TENT4B: variants seen among roughly 807,000 people sequenced by gnomAD.
The protein encoded by TENT4B is PAP associated domain containing 5.
Under a neutral mutation model 75.0 loss-of-function variants are expected in TENT4B, and 10 were observed. The ratio of observed to expected loss-of-function variants is 0.13; its 90% confidence interval spans 0.08 to 0.23. The LOEUF (loss-of-function observed/expected upper bound fraction) is 0.23, where lower values mean the gene tolerates loss of function less well. Among genes scored for constraint, TENT4B ranks in the 10% least tolerant of loss-of-function variants. The pLI is 1.00. For missense variants in TENT4B, 579 were observed against 893.8 expected (o/e 0.65, Z 4.49); for synonymous variants, 350 against 357.7 (o/e 0.98, Z 0.24).
At chr16:50,195,611 A>G (rs905471829) in intron 1 of TENT4B, among the ~76,000 whole-genome samples, 1 of 152,232 alleles carries the variant, frequency 6.6e-6, no homozygotes, top group East Asian at 1.9e-4. Flanking sequence ...TGTCTGGCTT[A>G]GTGTACAGCA....
In TENT4B at chr16:50,233,170, G is replaced by A. The variant is rs1230074508; in HGVS notation, c.*3842G>A. Reference sequence around the variant, plus strand: ...GATAGTAATTTTCATCAGGGTCATAGTTCATCTAGTAAAATATTTAGAGAA... The same window carrying A: ...GATAGTAATTTTCATCAGGGTCATAATTCATCTAGTAAAATATTTAGAGAA... On this transcript the variant is annotated 3_prime_UTR_variant, in exon 12 of 12. Coordinates refer to ENST00000561678, the MANE Select transcript of TENT4B (RefSeq NM_001365324.3). The A allele has an allele frequency of 3.0e-6, 3 of 984,518 alleles. No homozygotes were observed. In the Admixed American group the frequency reaches 1.8e-4, roughly 61 times the overall value. The allele number at this position is 984,518 out of a possible 1,614,324, so 61.0% of individuals were successfully genotyped here.
intron 1 of TENT4B, among the ~76,000 whole-genome samples, chr16:50,154,667 G>A (rs7184465): frequency 2.3e-3 from 357 of 151,994 alleles, no homozygotes; most frequent in African/African-American, 8.1e-3. Context: ...GCTTAGCACG[G>A]GCCTATCATT....
At chr16:50,166,572 G>A (rs1449851307) in intron 1 of TENT4B, among the ~76,000 whole-genome samples, 2 of 151,970 alleles carry the variant, frequency 1.3e-5, no homozygotes. Context: ...TTTTAAAATT[G>A]GGTTATTTAT....
intron 1 of TENT4B, among the ~76,000 whole-genome samples, chr16:50,185,314 A>G (rs987845928): frequency 1.3e-5 from 2 of 152,210 alleles, no homozygotes; most frequent in African/African-American, 4.8e-5. Flanking sequence ...ATTAATGCTT[A>G]CTTAACTTGC....
chr16:50,219,089 TGGG>T (rs1288698836), intron 5 of TENT4B, among the ~76,000 whole-genome samples: 2 of 152,142 alleles, frequency 1.3e-5, no homozygotes, highest in African/African-American at 4.8e-5. Flanking sequence ...CGCACTATAT[TGGG>T]GGTGTGTGTG....
chr16:50,229,197 G>A lies in TENT4B; in HGVS notation c.2011G>A (p.Gly671Ser), dbSNP rs1567516547. The A allele has an allele frequency of 6.2e-7, 1 of 1,613,344 alleles. No homozygotes were observed. The highest frequency in any genetic ancestry group is 1.1e-5 in the South Asian group (1 of 90,954). The change falls in exon 12 of 12, where the codon GGT (glycine) becomes AGT (serine). Residue 671 changes from glycine (G) to serine (S), a missense_variant. Physicochemically the swap from Gly to Ser is moderately conservative, Grantham distance 56. This residue lies in a region of TENT4B where 164 missense variants were observed against 226.5 expected (regional missense o/e 0.72). Coordinates refer to ENST00000561678, the MANE Select transcript of TENT4B (RefSeq NM_001365324.3). ...LFRSSSKGFQGTTQTSHGSLM... is the reference protein window; with the variant it reads ...LFRSSSKGFQSTTQTSHGSLM... ...TCGTTCTTCCAGCAAAGGCTTCCAA[G>A]GTACAACTCAAACAAGCCATGGTTC...
At chr16:50,191,554 G>A (rs577533312) in intron 1 of TENT4B, among the ~76,000 whole-genome samples, 9 of 152,170 alleles carry the variant, frequency 5.9e-5, no homozygotes, top group African/African-American at 9.6e-5. Flanking sequence ...GATTATAGGC[G>A]TGAGCCACCA....
rs1219470961 is a variant in TENT4B at position 50,231,493 on chromosome 16, CATT to C, written c.*2166_*2168del. 1 of 985,668 alleles carries C rather than the reference CATT, an allele frequency of 1.0e-6. No homozygotes were observed. The highest frequency in any genetic ancestry group is 1.2e-6 in the Non-Finnish European group (1 of 829,904). 61.1% of individuals were successfully genotyped at this position (985,668 alleles called of 1,614,324 possible). Reference sequence around the variant, plus strand: ...TTGTTTGTTTTTAAAGAATCACCCTCATTGTTGAAAGTAAATGTACTCTTAGGG... The same window carrying C: ...TTGTTTGTTTTTAAAGAATCACCCTCGTTGAAAGTAAATGTACTCTTAGGG... On this transcript the variant is annotated 3_prime_UTR_variant, in exon 12 of 12. Transcript: ENST00000561678.
In TENT4B at chr16:50,153,607, G is replaced by A. The variant is rs1372879320; in HGVS notation, c.-15G>A. The A allele has an allele frequency of 5.0e-6, 5 of 1,002,018 alleles. No individual in the cohort carries two copies. The highest frequency in any genetic ancestry group is 5.9e-6 in the Non-Finnish European group (5 of 843,484). The allele number at this position is 1,002,018 out of a possible 1,614,324, so 62.1% of individuals were successfully genotyped here. A position where few individuals can be genotyped will look rare whatever the true frequency, so the allele number is the denominator to read the frequency against. On this transcript the variant is annotated 5_prime_UTR_variant, in exon 1 of 12. Transcript: ENST00000561678. The stretch of plus-strand genomic sequence containing the variant: ...GGCGGCCGGGAGGGGCGGGGGCAGC[G>A]GCCGCCGCCGTTTGATGGATCCGAG...
At chr16:50,163,120 G>T (rs2038031623) in intron 1 of TENT4B, among the ~76,000 whole-genome samples, 1 of 152,142 alleles carries the variant, frequency 6.6e-6, no homozygotes, top group Admixed American at 6.5e-5. Context: ...TTTTGATTTT[G>T]TGAAAGTAAC....
rs373965165 is a variant in TENT4B at position 50,227,973 on chromosome 16, T to G, written c.1935T>G (p.Thr645=). 6.2e-7 allele frequency: 1 copy of G among 1,613,882 alleles called. No homozygotes were observed. Among genetic ancestry groups the G allele is most frequent in the African/African-American group, 1.3e-5 (1 of 74,918 alleles). The change falls in exon 11 of 12, where the codon ACT becomes ACG. Residue 645 remains threonine, a synonymous_variant. Transcript: ENST00000561678. Reference sequence around the variant, plus strand: ...GGAAAATGCAAAGCACCCAAACCACTAACACATCCAACAGCACCAACAAAT... The same window carrying G: ...GGAAAATGCAAAGCACCCAAACCACGAACACATCCAACAGCACCAACAAAT... ...AVGKMQSTQT[T]NTSNSTNKSQ... is the part of the protein sequence containing the mutation.
intron 1 of TENT4B, among the ~76,000 whole-genome samples, chr16:50,160,801 T>G (rs1597218399): frequency 6.6e-6 from 1 of 152,224 alleles, no homozygotes; most frequent in African/African-American, 2.4e-5. Flanking sequence ...TTGTATGATT[T>G]CACACAGCTT....
intron 1 of TENT4B, among the ~76,000 whole-genome samples, chr16:50,187,213 T>C (rs2038546006): frequency 6.6e-6 from 1 of 152,250 alleles, no homozygotes; most frequent in South Asian, 2.1e-4. Context: ...GTTTTCTTTC[T>C]GCAGTTTTAT....
intron 10 of TENT4B, 135 bp downstream of exon 10, chr16:50,225,420 G>A (rs1889106015): frequency 1.1e-6 from 1 of 888,004 alleles, no homozygotes; most frequent in Non-Finnish European, 1.6e-6. Flanking sequence ...TTTCATGCTT[G>A]TACATTTTCT....
At chr16:50,222,482 GATCA>G (rs1236006099) in intron 6 of TENT4B, 48 bp downstream of exon 6, 1 of 1,577,050 alleles carries the variant, frequency 6.3e-7, no homozygotes, top group East Asian at 2.3e-5. Context: ...AAGCAAAAGT[GATCA>G]ATCAGCTGGG....
intron 1 of TENT4B, among the ~76,000 whole-genome samples, chr16:50,160,396 T>A (rs1195371681): frequency 6.6e-6 from 1 of 152,190 alleles, no homozygotes; most frequent in Non-Finnish European, 1.5e-5. Context: ...TTGGAGTCTG[T>A]CTACCCAGTG....
chr16:50,205,788 G>A (rs7196908), intron 1 of TENT4B, among the ~76,000 whole-genome samples: 21 of 150,940 alleles, frequency 1.4e-4, no homozygotes, highest in Non-Finnish European at 3.0e-4. Context: ...ATGGGGTTTC[G>A]CCATGTTGGC....
At chr16:50,221,376 G>A (rs557196385) in intron 5 of TENT4B, among the ~76,000 whole-genome samples, 1 of 152,350 alleles carries the variant, frequency 6.6e-6, no homozygotes, top group African/African-American at 2.4e-5. Flanking sequence ...TTACAGAGGA[G>A]TGAATGAATA....
At chr16:50,157,006 G>T (rs1028179792) in intron 1 of TENT4B, among the ~76,000 whole-genome samples, 3 of 152,082 alleles carry the variant, frequency 2.0e-5, no homozygotes, top group African/African-American at 7.2e-5. Context: ...TTTAATATAG[G>T]TATTTAAAAA....
Sources: allele counts gnomAD v4.1 joint callset (sites outside exome capture counted in the v4.1 genomes callset), GRCh38; gene constraint gnomAD v4.1.1; regional missense constraint gnomAD v4.1.1; transcripts MANE v1.5; gene names NCBI Gene and HGNC (gene_info 2026-07-23, HGNC 2026-07-21).